RGS6: variants seen among roughly 807,000 people sequenced by gnomAD.
RGS6 encodes the protein regulator of G-protein signaling 6.
Under a neutral mutation model 78.5 loss-of-function variants are expected in RGS6, and 30 were observed. The observed-to-expected ratio is 0.38, with a 90% CI of 0.29 to 0.52. The LOEUF (loss-of-function observed/expected upper bound fraction) is 0.52. Among genes scored for constraint, RGS6 ranks in the 20% least tolerant of loss-of-function variants. The pLI is 0.85. For synonymous variants in RGS6, 206 were observed against 206.0 expected (o/e 1.00, Z 0.00); for missense variants, 495 against 609.7 (o/e 0.81, Z 1.98).
rs577096469 is a variant in RGS6, at chr14:72,252,667, T to C, written c.85-99428T>C. Among the ~76,000 whole-genome samples the C allele has an allele frequency of 2.6e-5, 4 of 152,344 alleles. No individual in the cohort carries two copies. The South Asian group carries it at 6.2e-4, about 24-fold the overall frequency. ...TCGTAACTGATGAATGTGATGGTTT[T>C]AGCCAAAACATATTCTCAATCTATG... On this transcript the variant is annotated intron_variant, in intron 2 of 17. Transcript: ENST00000553525.
intron 2 of RGS6, among the ~76,000 whole-genome samples, chr14:72,179,089 G>T (rs2097141925): frequency 6.6e-6 from 1 of 152,184 alleles, no homozygotes; most frequent in African/African-American, 2.4e-5. Context: ...TCTGGCCCAA[G>T]ATTTTCTCTG....
chr14:72,079,170 CT>C (rs56875273), intron 2 of RGS6, among the ~76,000 whole-genome samples: 22,358 of 148,704 alleles, frequency 0.15, 1,738 homozygotes, highest in Admixed American at 0.21. Context: ...GCCTTTGTGC[CT>C]TTTTTTTTTC....
chr14:72,404,547 A>C (rs770582474), intron 3 of RGS6, among the ~76,000 whole-genome samples: 13 of 152,260 alleles, frequency 8.5e-5, no homozygotes, highest in Non-Finnish European at 1.3e-4. Context: ...CTCTGCCAGC[A>C]GCCCTGCATG....
intron 3 of RGS6, among the ~76,000 whole-genome samples, chr14:72,413,750 T>G (rs1222863859): frequency 1.3e-5 from 2 of 152,186 alleles, no homozygotes; most frequent in Admixed American, 1.3e-4. Flanking sequence ...AGGAGCTCTT[T>G]TAGGGCAGGC....
chr14:72,445,134 G>C (rs764150874), intron 3 of RGS6, among the ~76,000 whole-genome samples: 4 of 152,242 alleles, frequency 2.6e-5, no homozygotes, highest in South Asian at 2.1e-4. Context: ...AGGAGGCTTT[G>C]AATTGCTACC....
chr14:72,024,526 A>G (rs1207570651), intron 2 of RGS6, among the ~76,000 whole-genome samples: 1 of 152,190 alleles, frequency 6.6e-6, no homozygotes, highest in Non-Finnish European at 1.5e-5. Context: ...CGTCCCCAGC[A>G]TCACTAATGG....
intron 1 of RGS6, among the ~76,000 whole-genome samples, chr14:71,954,233 T>G (rs953021055): frequency 1.4e-4 from 22 of 151,896 alleles, no homozygotes; most frequent in Admixed American, 5.2e-4. Context: ...TTTGGAAAGT[T>G]CTCCGTCATT....
At chr14:72,095,908 G>A (rs1266646567) in intron 2 of RGS6, among the ~76,000 whole-genome samples, 1 of 152,172 alleles carries the variant, frequency 6.6e-6, no homozygotes, top group Admixed American at 6.5e-5. Context: ...CAGTGGGGAC[G>A]AGATAGTTTT....
At chr14:72,060,421 T>C (rs2093836793) in intron 2 of RGS6, among the ~76,000 whole-genome samples, 1 of 151,580 alleles carries the variant, frequency 6.6e-6, no homozygotes, top group African/African-American at 2.4e-5. Context: ...ACCTGAGCTA[T>C]AAAAGACTAG....
intron 16 of RGS6, chr14:72,537,602 A>G: frequency 1.4e-6 from 1 of 702,072 alleles, no homozygotes; most frequent in Middle Eastern, 2.3e-4. Flanking sequence ...GCTCCTTTGG[A>G]GGAGGCCGAC....
At chr14:72,411,038 A>C (rs1256058229) in intron 3 of RGS6, among the ~76,000 whole-genome samples, 3 of 152,124 alleles carry the variant, frequency 2.0e-5, no homozygotes, top group South Asian at 2.1e-4. Flanking sequence ...CTTAGGATTG[A>C]CTTGGTAATG....
chr14:71,899,306 G>A, the RGS6 span, among the ~76,000 whole-genome samples: 4 of 152,236 alleles, frequency 2.6e-5, no homozygotes, highest in East Asian at 7.7e-4. Flanking sequence ...CTTCATTAGA[G>A]CTACTTTCTC....
At chr14:72,253,316 G>A (rs1163619902) in intron 2 of RGS6, among the ~76,000 whole-genome samples, 1 of 152,202 alleles carries the variant, frequency 6.6e-6, no homozygotes, top group Non-Finnish European at 1.5e-5. Flanking sequence ...AGGTGAGTAG[G>A]AAATAAAGCT....
rs375126452 is a variant in RGS6, at chr14:71,970,625, A to C, written c.84+5750A>C. 8.5e-5 allele frequency among the ~76,000 whole-genome samples: 13 copies of C among 152,328 alleles called. No homozygotes were observed. In the East Asian group the frequency reaches 2.5e-3, roughly 29 times the overall value. On this transcript the variant is annotated intron_variant, in intron 2 of 17. Coordinates refer to ENST00000553525, the MANE Select transcript of RGS6 (RefSeq NM_001204424.2). ...CACAATTGAGAGTCTGGGGACCTGC[A>C]GGTCCTGGTGACTAAGGCATGATGA... is the stretch of plus-strand genomic sequence containing the variant.
chr14:72,070,066 CTAA>C (rs2094347443), intron 2 of RGS6, among the ~76,000 whole-genome samples: 1 of 152,048 alleles, frequency 6.6e-6, no homozygotes, highest in South Asian at 2.1e-4. Context: ...TAAACTGTTA[CTAA>C]ACTATACATT....
chr14:72,414,838 G>C (rs956085798), intron 3 of RGS6, among the ~76,000 whole-genome samples: 1 of 152,182 alleles, frequency 6.6e-6, no homozygotes, highest in African/African-American at 2.4e-5. Flanking sequence ...GTTTACCTGC[G>C]TATCAGCAGT....
At chr14:72,011,227 T>C (rs1309921298) in intron 2 of RGS6, among the ~76,000 whole-genome samples, 1 of 152,234 alleles carries the variant, frequency 6.6e-6, no homozygotes, top group African/African-American at 2.4e-5. Context: ...TCTTTCCATC[T>C]AATTTTTTAC....
In RGS6 at chr14:72,288,090, G is replaced by T. The variant is rs80174006; in HGVS notation, c.85-64005G>T. Among the ~76,000 whole-genome samples, 1,018 of 152,230 alleles carry T rather than the reference G, an allele frequency of 6.7e-3. 14 individuals carry two copies. The highest frequency in any genetic ancestry group is 0.023 in the African/African-American group (974 of 41,526). On this transcript the variant is annotated intron_variant, in intron 2 of 17. Coordinates refer to ENST00000553525, the MANE Select transcript of RGS6 (RefSeq NM_001204424.2). Reference sequence around the variant, plus strand: ...TCTTTGTTTTGACTTTGGTGTCAAGGTAATACTGGCCTTATAAAATGAGTT... The same window carrying T: ...TCTTTGTTTTGACTTTGGTGTCAAGTTAATACTGGCCTTATAAAATGAGTT...
At chr14:72,260,120 A>G (rs1175110250) in intron 2 of RGS6, among the ~76,000 whole-genome samples, 1 of 152,158 alleles carries the variant, frequency 6.6e-6, no homozygotes, top group Non-Finnish European at 1.5e-5. Context: ...CAGGAAAGAC[A>G]TGTTTTAAGT....
Sources: allele counts gnomAD v4.1 joint callset (sites outside exome capture counted in the v4.1 genomes callset), GRCh38; gene constraint gnomAD v4.1.1; transcripts MANE v1.5; gene names NCBI Gene and HGNC (gene_info 2026-07-23, HGNC 2026-07-21).